Variants in SEC24D observed in about 807,000 individuals in gnomAD.
The protein encoded by SEC24D is SEC24 homolog D, COPII component.
SEC24D carries 69 observed loss-of-function variants against 116.9 expected under a neutral mutation model. The ratio of observed to expected loss-of-function variants is 0.59; its 90% CI spans 0.49 to 0.72. The LOEUF (loss-of-function observed/expected upper bound fraction) is 0.72, where lower values mean the gene tolerates loss of function less well. Among genes scored for constraint, SEC24D ranks in the 30% least tolerant of loss-of-function variants. SEC24D has a pLI of 0.00. For missense variants in SEC24D, 1,131 were observed against 1,264.1 expected (o/e 0.89, Z 1.60); for synonymous variants, 405 against 442.8 (o/e 0.91, Z 1.07).
Position 118,738,144 on chromosome 4 carries a change from T to C in SEC24D, c.2496+117A>G, listed in dbSNP as rs1464212677. The C allele has an allele frequency of 4.2e-6, 3 of 715,616 alleles. No individual in the cohort carries two copies. In the African/African-American group the frequency reaches 5.4e-5, roughly 13 times the overall value. 44.3% of individuals were successfully genotyped at this position (715,616 alleles called of 1,614,324 possible). A position where few individuals can be genotyped will look rare whatever the true frequency, so the allele number is the denominator to read the frequency against. On this transcript the variant is annotated intron_variant, in intron 19 of 22. Coordinates refer to ENST00000280551, the MANE Select transcript of SEC24D (RefSeq NM_014822.4). ...GCATTCTTAATCTTCTCAGCTACAC[T>C]GTTTACTGTAACAGCATCTAAGTGC... is the stretch of plus-strand genomic sequence containing the variant.
At chr4:118,731,688 T>G (rs1725691997) in intron 20 of SEC24D, among the ~76,000 whole-genome samples, 181 bp from the exon 21 acceptor site, 1 of 152,174 alleles carries the variant, frequency 6.6e-6, no homozygotes. Context: ...AATGGTTTTG[T>G]GCAGGGAGGA....
intron 8 of SEC24D, among the ~76,000 whole-genome samples, chr4:118,791,716 G>A (rs1054531974): frequency 3.9e-5 from 6 of 152,162 alleles, no homozygotes; most frequent in Non-Finnish European, 7.3e-5. Context: ...GGTGGATACG[G>A]GGTTTCGCCG....
At chr4:118,726,937 T>G (rs1430851514) in intron 22 of SEC24D, among the ~76,000 whole-genome samples, 1 of 152,262 alleles carries the variant, frequency 6.6e-6, no homozygotes, top group Non-Finnish European at 1.5e-5. Context: ...TCCTACCTAA[T>G]CTTAACCCTT....
intron 3 of SEC24D, among the ~76,000 whole-genome samples, chr4:118,824,155 GT>G (rs540081521): frequency 8.0e-5 from 12 of 150,634 alleles, no homozygotes; most frequent in Non-Finnish European, 1.6e-4. Context: ...AACTTTTCTT[GT>G]TTTTTTTTGA....
chr4:118,797,819 T>C lies in SEC24D; in HGVS notation c.914-9A>G, dbSNP rs372823795. Reference sequence around the variant, plus strand: ...TCGAGGACTGGCATTTCCTGAAACATTCAAAAGGATACACTTAAAACTTGT... The same window carrying C: ...TCGAGGACTGGCATTTCCTGAAACACTCAAAAGGATACACTTAAAACTTGT... On this transcript the variant is annotated splice_polypyrimidine_tract_variant and intron_variant, in intron 7 of 22. Transcript: ENST00000280551. 1.8e-4 allele frequency: 286 copies of C among 1,582,424 alleles called. No individual in the cohort carries two copies. The highest frequency in any genetic ancestry group is 6.7e-4 in the Middle Eastern group (4 of 5,934).
chr4:118,776,312 AAAGC>A (rs1728129876), intron 8 of SEC24D, among the ~76,000 whole-genome samples: 1 of 152,158 alleles, frequency 6.6e-6, no homozygotes, highest in African/African-American at 2.4e-5. Context: ...AAAATGCTTT[AAAGC>A]AAGCACAGCT....
At chr4:118,752,944 G>T in intron 11 of SEC24D, 56 bp from the exon 12 acceptor site, 3 of 1,290,634 alleles carry the variant, frequency 2.3e-6, no homozygotes, top group Non-Finnish European at 2.1e-6. Flanking sequence ...TGAAAAGGAG[G>T]TTTCTATCTG....
chr4:118,744,919 G>A, intron 14 of SEC24D, 25 bp downstream of exon 14: 1 of 1,246,500 alleles, frequency 8.0e-7, no homozygotes, highest in South Asian at 1.2e-5. Context: ...ATTGACATAT[G>A]GATACTCAAA....
intron 3 of SEC24D, among the ~76,000 whole-genome samples, chr4:118,823,170 A>C (rs1730466117): frequency 6.6e-6 from 1 of 151,986 alleles, no homozygotes; most frequent in Admixed American, 6.6e-5. Flanking sequence ...CTCTTTTGAG[A>C]CTCAGGGCAG....
chr4:118,771,396 T>G (rs1369402906), intron 8 of SEC24D, among the ~76,000 whole-genome samples: 1 of 152,198 alleles, frequency 6.6e-6, no homozygotes, highest in Non-Finnish European at 1.5e-5. Flanking sequence ...CTCACCTGGC[T>G]ATTGTTTGGT....
intron 13 of SEC24D, among the ~76,000 whole-genome samples, chr4:118,748,374 T>C (rs764361848): frequency 1.3e-5 from 2 of 152,198 alleles, no homozygotes; most frequent in Non-Finnish European, 2.9e-5. Context: ...TTTTTCCTTA[T>C]AAAATGGTTA....
In SEC24D at chr4:118,815,451, C is replaced by T; in HGVS notation, c.673G>A (p.Ala225Thr). 6.2e-7 allele frequency: 1 copy of T among 1,613,956 alleles called. No homozygotes were observed. The highest frequency in any genetic ancestry group is 1.7e-5 in the Admixed American group (1 of 60,020). Reference sequence around the variant, plus strand: ...TTCCCCTGCACCCTGTCCGCCTTACCCTGCTGCGGAGGATATCCAGCACCC... The same window carrying T: ...TTCCCCTGCACCCTGTCCGCCTTACTCTGCTGCGGAGGATATCCAGCACCC... ...TLGAGYPPQQ[A>T]NSGPQMAGAQ... The change falls in exon 5 of 23, where the codon GCC becomes ACC. Residue 225 changes from alanine (A) to threonine (T), a missense_variant and splice_region_variant. Transcript: ENST00000280551.
chr4:118,744,508 A>T (rs1726396700), intron 14 of SEC24D, among the ~76,000 whole-genome samples: 1 of 152,244 alleles, frequency 6.6e-6, no homozygotes, highest in Non-Finnish European at 1.5e-5. Context: ...CTATATCCAT[A>T]GCCTTATCCT....
chr4:118,800,763 G>A (rs971943021), intron 7 of SEC24D, among the ~76,000 whole-genome samples: 2 of 152,186 alleles, frequency 1.3e-5, no homozygotes, highest in African/African-American at 2.4e-5. Flanking sequence ...CTACTTTACT[G>A]AGGAGGAAAC....
intron 4 of SEC24D, among the ~76,000 whole-genome samples, chr4:118,816,369 A>G (rs186506057): frequency 4.7e-4 from 71 of 152,348 alleles, no homozygotes; most frequent in African/African-American, 1.7e-3. Flanking sequence ...AGAAAATCAT[A>G]TAAAAATTCT....
In SEC24D at chr4:118,768,026, T is replaced by C. The variant is rs555626166; in HGVS notation, c.1180+147A>G. ...GGGCTTAAATTTCCCAAATAGAGCC[T>C]GTCATAGTTGGTTTCCTTCTAGAAA... On this transcript the variant is annotated intron_variant, in intron 9 of 22. Transcript: ENST00000280551. 1.4e-5 allele frequency: 8 copies of C among 556,660 alleles called. No homozygotes were observed. The East Asian group carries it at 2.5e-4, about 17-fold the overall frequency. 34.5% of individuals were successfully genotyped at this position (556,660 alleles called of 1,614,324 possible).
intron 21 of SEC24D, chr4:118,730,457 A>G (rs1725625667): frequency 6.6e-6 from 1 of 152,144 alleles, no homozygotes; most frequent in African/African-American, 2.4e-5. Context: ...GCAAGATGCT[A>G]TATATATTGA....
At chr4:118,730,258 A>G (rs1725617447) in intron 21 of SEC24D, 1 of 152,194 alleles carries the variant, frequency 6.6e-6, no homozygotes, top group South Asian at 2.1e-4. Flanking sequence ...AATTGCATTT[A>G]TAATCATTTC....
intron 2 of SEC24D, chr4:118,833,259 A>G (rs1454732543): frequency 5.5e-6 from 1 of 181,198 alleles, no homozygotes; most frequent in African/African-American, 2.4e-5. Flanking sequence ...ATTCATTTAT[A>G]AATTTAATTC....
Sources: allele counts gnomAD v4.1 joint callset (sites outside exome capture counted in the v4.1 genomes callset), GRCh38; gene constraint gnomAD v4.1.1; transcripts MANE v1.5; gene names NCBI Gene and HGNC (gene_info 2026-07-23, HGNC 2026-07-21).